The following FOXO3 variants were observed in gnomAD, a reference collection of about 807,000 sequenced individuals.
FOXO3 encodes the protein forkhead box O3.
FOXO3 carries 4 observed loss-of-function variants against 41.9 expected under a neutral mutation model. The observed-to-expected ratio is 0.10, with a 90% CI of 0.05 to 0.22. The LOEUF (loss-of-function observed/expected upper bound fraction) is 0.22. FOXO3 is among the 10% of genes least tolerant of loss of function. The probability of loss-of-function intolerance (pLI) is 1.00; values close to 1 mark genes in which losing one functional copy is unlikely to be tolerated. For missense variants in FOXO3, 534 were observed against 906.8 expected (o/e 0.59, Z 5.28); for synonymous variants, 318 against 389.3 (o/e 0.82, Z 2.16).
chr6:108,571,151 C>T (rs1479668118), intron 1 of FOXO3, among the ~76,000 whole-genome samples: 3 of 152,104 alleles, frequency 2.0e-5, no homozygotes, highest in African/African-American at 4.8e-5. Flanking sequence ...CACAGTTGCT[C>T]ATGGGTGAGA....
intron 1 of FOXO3, among the ~76,000 whole-genome samples, chr6:108,620,578 G>C (rs1234088198): frequency 6.6e-6 from 1 of 152,216 alleles, no homozygotes. Flanking sequence ...GAGATAATTA[G>C]TATTATGAAG....
intron 2 of FOXO3, among the ~76,000 whole-genome samples, chr6:108,668,387 G>T (rs773750598): frequency 6.6e-6 from 1 of 152,180 alleles, no homozygotes; most frequent in African/African-American, 2.4e-5. Flanking sequence ...CTGGCTGCTG[G>T]GTCGTGAAGG....
intron 1 of FOXO3, among the ~76,000 whole-genome samples, chr6:108,585,722 C>T (rs1776563333): frequency 6.6e-6 from 1 of 152,156 alleles, no homozygotes; most frequent in African/African-American, 2.4e-5. Context: ...ACTTAGGGTG[C>T]CTTAGGAAAA....
intron 1 of FOXO3, among the ~76,000 whole-genome samples, chr6:108,565,227 G>A (rs1382887084): frequency 6.6e-6 from 1 of 152,206 alleles, no homozygotes; most frequent in Non-Finnish European, 1.5e-5. Flanking sequence ...AAAGAGGTAA[G>A]AAGGATAGCA....
intron 1 of FOXO3, among the ~76,000 whole-genome samples, chr6:108,564,237 G>GC (rs1775893300): frequency 6.6e-6 from 1 of 152,196 alleles, no homozygotes. Flanking sequence ...GATGGAGAAG[G>GC]CCCTTTGAAA....
chr6:108,651,400 A>G (rs578238479), intron 1 of FOXO3, among the ~76,000 whole-genome samples: 1 of 151,980 alleles, frequency 6.6e-6, no homozygotes, highest in Non-Finnish European at 1.5e-5. Context: ...ATGTGTCTCC[A>G]CTCCTTCCAA....
At chr6:108,677,144 C>T (rs1342138125) in intron 2 of FOXO3, among the ~76,000 whole-genome samples, 4 of 152,222 alleles carry the variant, frequency 2.6e-5, no homozygotes, top group African/African-American at 7.2e-5. Flanking sequence ...GAGGGCATTG[C>T]CTGGGGGACC....
At chr6:108,587,787 G>A (rs1776624209) in intron 1 of FOXO3, among the ~76,000 whole-genome samples, 2 of 152,192 alleles carry the variant, frequency 1.3e-5, no homozygotes, top group Admixed American at 1.3e-4. Context: ...TGGTACATTT[G>A]GTTCTGGAAC....
At chr6:108,593,417 G>C (rs962600376) in intron 1 of FOXO3, among the ~76,000 whole-genome samples, 2 of 150,862 alleles carry the variant, frequency 1.3e-5, no homozygotes, top group Non-Finnish European at 3.0e-5. Flanking sequence ...ATGGAGTCTC[G>C]CTCTGGCTGG....
chr6:108,597,349 A>G (rs140980879), intron 1 of FOXO3, among the ~76,000 whole-genome samples: 1 of 152,346 alleles, frequency 6.6e-6, no homozygotes, highest in Non-Finnish European at 1.5e-5. Context: ...AGAATGGGTA[A>G]TAGGCTTAAG....
intron 1 of FOXO3, among the ~76,000 whole-genome samples, chr6:108,568,177 A>C (rs1411315491): frequency 6.7e-6 from 1 of 149,368 alleles, no homozygotes; most frequent in African/African-American, 2.5e-5. Context: ...GCACCACTGC[A>C]CTCCAGCCTG....
chr6:108,584,712 C>A (rs1219830658), intron 1 of FOXO3, among the ~76,000 whole-genome samples: 3 of 152,058 alleles, frequency 2.0e-5, no homozygotes, highest in Non-Finnish European at 2.9e-5. Flanking sequence ...GGATGTAGAG[C>A]CAATTTTGGT....
chr6:108,602,863 G>A (rs557102779), intron 1 of FOXO3, among the ~76,000 whole-genome samples: 1 of 152,224 alleles, frequency 6.6e-6, no homozygotes, highest in East Asian at 1.9e-4. Flanking sequence ...ACAAGGTAGA[G>A]TAGGAGATAC....
chr6:108,678,468 CT>C (rs1388913166), intron 2 of FOXO3, among the ~76,000 whole-genome samples: 4 of 150,344 alleles, frequency 2.7e-5, no homozygotes, highest in African/African-American at 9.8e-5. Context: ...CGTCCTTTTG[CT>C]ATTAAGACAG....
At chr6:108,659,170 G>A (rs376951199) in intron 1 of FOXO3, among the ~76,000 whole-genome samples, 6 of 152,184 alleles carry the variant, frequency 3.9e-5, no homozygotes, top group African/African-American at 1.4e-4. Flanking sequence ...TAGGCGTCAG[G>A]CACTGTGCCT....
chr6:108,592,102 A>C (rs1190718180), intron 1 of FOXO3, among the ~76,000 whole-genome samples: 2 of 152,230 alleles, frequency 1.3e-5, no homozygotes, highest in Non-Finnish European at 2.9e-5. Context: ...GAAGCAGATC[A>C]GCGATTGCCA....
rs575971201 is a variant in FOXO3, at chr6:108,640,687, A to G, written c.622-22768A>G. Among the ~76,000 whole-genome samples, 396 of 151,904 alleles carry G rather than the reference A, an allele frequency of 2.6e-3. 2 individuals carry two copies. Among genetic ancestry groups the G allele is most frequent in the African/African-American group, 9.1e-3 (378 of 41,522 alleles). On this transcript the variant is annotated intron_variant, in intron 1 of 2. Coordinates refer to ENST00000406360, the MANE Select transcript of FOXO3 (RefSeq NM_001455.4). ...ACAATTTCATATGTACAATTAATAG[A>G]TAGAAAATTTGGGTGATTAATCATA...
At position 108,681,479 on chromosome 6, in the gene FOXO3, G is replaced by A. The variant is rs1469765770; in HGVS notation, c.*1687G>A. ...CACCCAACCCCCTGCACACACCACCGGCCACCAGGGGCCCCCTTGTGCGCC... is the reference window on the plus strand; with the variant it reads ...CACCCAACCCCCTGCACACACCACCAGCCACCAGGGGCCCCCTTGTGCGCC... On this transcript the variant is annotated 3_prime_UTR_variant, in exon 3 of 3. Transcript: ENST00000406360. 2.0e-5 allele frequency: 3 copies of A among 151,236 alleles called. No individual in the cohort carries two copies. Among genetic ancestry groups the A allele is most frequent in the African/African-American group, 7.3e-5 (3 of 41,066 alleles). The allele number at this position is 151,236 out of a possible 1,614,324, so 9.4% of individuals were successfully genotyped here.
chr6:108,571,272 A>G (rs987853409), intron 1 of FOXO3, among the ~76,000 whole-genome samples: 5 of 152,206 alleles, frequency 3.3e-5, no homozygotes, highest in African/African-American at 9.6e-5. Context: ...ACAGGAGACT[A>G]CTGTAACTTT....
Sources: allele counts gnomAD v4.1 joint callset (sites outside exome capture counted in the v4.1 genomes callset), GRCh38; gene constraint gnomAD v4.1.1; transcripts MANE v1.5; gene names NCBI Gene and HGNC (gene_info 2026-07-23, HGNC 2026-07-21).